The following MTOR variants were observed in gnomAD, a reference collection of about 807,000 sequenced individuals.
MTOR encodes the protein mechanistic target of rapamycin kinase, also known as serine/threonine-protein kinase mTOR.
MTOR carries 70 observed loss-of-function variants against 319.8 expected under a neutral mutation model. The observed-to-expected ratio is 0.22, with a 90% CI of 0.18 to 0.27. The LOEUF (loss-of-function observed/expected upper bound fraction) is 0.27. Ranked by LOEUF, MTOR falls within the 10% of genes least tolerant of loss-of-function variation. The pLI is 1.00. For synonymous variants in MTOR, 1,183 were observed against 1,211.4 expected, an observed-to-expected ratio of 0.98 and a Z score of 0.49; for missense variants, 1,890 against 3,274.4, an observed-to-expected ratio of 0.58 and a Z score of 10.32.
At position 11,121,896 on chromosome 1, in the gene MTOR, A is replaced by G. The variant is rs939257585; in HGVS notation, c.6810+83T>C. 4 of 1,543,174 alleles carry G rather than the reference A, an allele frequency of 2.6e-6. No individual in the cohort carries two copies. The highest frequency in any genetic ancestry group is 3.5e-6 in the Non-Finnish European group (4 of 1,134,522). On this transcript the variant is annotated intron_variant, in intron 48 of 57. Transcript: ENST00000361445. The surrounding 1 kb of genome is among the most constrained non-coding windows in gnomAD (Gnocchi z 4.9). Reference sequence around the variant, plus strand: ...TCAAAGAGATTTTTCAGTGACAGACATACAGAGAGGAATGAGAAAAGCAGC... The same window carrying G: ...TCAAAGAGATTTTTCAGTGACAGACGTACAGAGAGGAATGAGAAAAGCAGC...
At position 11,128,971 on chromosome 1, in the gene MTOR, G is replaced by T; in HGVS notation, c.5715-20C>A. The T allele has an allele frequency of 6.2e-7, 1 of 1,603,248 alleles. No individual in the cohort carries two copies. The highest frequency in any genetic ancestry group is 8.5e-7 in the Non-Finnish European group (1 of 1,172,932). Reference sequence around the variant, plus strand: ...AGAACTCTGAAAAAGAAATGAGAAAGTCACAGAAAATTTAGTTTCCCAGTT... The same window carrying T: ...AGAACTCTGAAAAAGAAATGAGAAATTCACAGAAAATTTAGTTTCCCAGTT... On this transcript the variant is annotated intron_variant, in intron 40 of 57. Coordinates refer to ENST00000361445, the MANE Select transcript of MTOR (RefSeq NM_004958.4). This position sits in a 1 kb window ranked among gnomAD's most constrained non-coding sequence, Gnocchi z 5.3.
chr1:11,151,369 G>C (rs1236681437), intron 30 of MTOR, among the ~76,000 whole-genome samples: 1 of 152,258 alleles, frequency 6.6e-6, no homozygotes, highest in East Asian at 1.9e-4. Flanking sequence ...TGGTGGCCAT[G>C]ATGCCCTATG....
At chr1:11,138,777 G>A (rs373213345) in intron 36 of MTOR, among the ~76,000 whole-genome samples, 1 of 152,152 alleles carries the variant, frequency 6.6e-6, no homozygotes, top group Non-Finnish European at 1.5e-5. Context: ...CCCAAACCAG[G>A]AGCCACATCT....
At chr1:11,261,175 G>A (rs1257191853) in intron 1 of MTOR, among the ~76,000 whole-genome samples, 1 of 151,840 alleles carries the variant, frequency 6.6e-6, no homozygotes, top group Non-Finnish European at 1.5e-5. Context: ...CAGGGGACTA[G>A]CTCTTCAAAT....
chr1:11,180,634 A>G (rs1041917548), intron 28 of MTOR, among the ~76,000 whole-genome samples: 5 of 152,262 alleles, frequency 3.3e-5, no homozygotes, highest in East Asian at 3.9e-4. Context: ...TTGTCCTGCA[A>G]CCCCTGACAA....
chr1:11,212,220 C>G lies in MTOR; in HGVS notation c.3561+92G>C, dbSNP rs550546263. The G allele has an allele frequency of 2.1e-6, 3 of 1,445,508 alleles. No individual in the cohort carries two copies. The highest frequency in any genetic ancestry group is 1.4e-5 in the South Asian group (1 of 72,646). The allele number at this position is 1,445,508 out of a possible 1,614,324, so 89.5% of individuals were successfully genotyped here. Reference sequence around the variant, plus strand: ...GTAATTCCACGTTCTCTGATGGTGGCTGGCATCAGACAAAGTCTGAGTGGC... The same window carrying G: ...GTAATTCCACGTTCTCTGATGGTGGGTGGCATCAGACAAAGTCTGAGTGGC... On this transcript the variant is annotated intron_variant, in intron 23 of 57. Coordinates refer to ENST00000361445, the MANE Select transcript of MTOR (RefSeq NM_004958.4). This position sits in a 1 kb window ranked among gnomAD's most constrained non-coding sequence, Gnocchi z 4.1.
At chr1:11,134,295 G>C (rs924774755) in intron 37 of MTOR, 56 bp downstream of exon 37, 12 of 1,514,078 alleles carry the variant, frequency 7.9e-6, no homozygotes, top group African/African-American at 4.1e-5. Flanking sequence ...TGCTGCAGAA[G>C]CTGCTGGGAT....
chr1:11,180,617 T>C (rs79377502), intron 28 of MTOR, among the ~76,000 whole-genome samples: 1 of 152,140 alleles, frequency 6.6e-6, no homozygotes, highest in South Asian at 2.1e-4. Flanking sequence ...GGGGTGGACA[T>C]GTGATCTTGT....
chr1:11,243,272 G>T lies in MTOR; in HGVS notation c.1254C>A (p.Asn418Lys). 6.2e-7 allele frequency: 1 copy of T among 1,614,188 alleles called. No individual in the cohort carries two copies. ...CCTTCTTGACACAGCTTAGGACATGGTTCATGGTATCTTGGAGATACTGGG... is the reference window on the plus strand; with the variant it reads ...CCTTCTTGACACAGCTTAGGACATGTTTCATGGTATCTTGGAGATACTGGG... ...TDTQYLQDTM[N>K]HVLSCVKKEK... Residue 418 changes from asparagine to lysine, a missense_variant, in exon 9 of 58, where the codon AAC becomes AAA. Coordinates refer to ENST00000361445, the MANE Select transcript of MTOR (RefSeq NM_004958.4).
chr1:11,119,439 C>T (rs946233463), intron 49 of MTOR, among the ~76,000 whole-genome samples: 1 of 151,534 alleles, frequency 6.6e-6, no homozygotes, highest in Non-Finnish European at 1.5e-5. Flanking sequence ...GGCATGGAGG[C>T]GGGTGCCTGT....
At chr1:11,177,359 A>C (rs1645023431) in intron 28 of MTOR, among the ~76,000 whole-genome samples, 1 of 152,094 alleles carries the variant, frequency 6.6e-6, no homozygotes, top group African/African-American at 2.4e-5. Flanking sequence ...GGAATTCAAG[A>C]CCAGCCTGAG....
At chr1:11,189,438 G>T (rs1645434289) in intron 28 of MTOR, 1 of 1,032,804 alleles carries the variant, frequency 9.7e-7, no homozygotes, top group East Asian at 2.4e-5. Flanking sequence ...AAAGAGCAAG[G>T]AAAGAGAGAA....
At chr1:11,206,633 T>A (rs1646146713) in intron 25 of MTOR, among the ~76,000 whole-genome samples, 1 of 152,232 alleles carries the variant, frequency 6.6e-6, no homozygotes, top group African/African-American at 2.4e-5. Context: ...CAAAAAATCA[T>A]AGCTTAATTT....
intron 53 of MTOR, 95 bp downstream of exon 53, chr1:11,114,222 TG>T (rs2100312787): frequency 6.6e-7 from 1 of 1,506,836 alleles, no homozygotes; most frequent in South Asian, 1.2e-5. Context: ...CTCGAACTCC[TG>T]GCCTCAAGCA....
At chr1:11,175,746 G>GTTTTTTTTT (rs34392850) in intron 28 of MTOR, among the ~76,000 whole-genome samples, 26 of 137,296 alleles carry the variant, frequency 1.9e-4, no homozygotes, top group South Asian at 4.8e-4. Flanking sequence ...TCCCTAGCAG[G>GTTTTTTTTT]TTTTTTTTTT....
At chr1:11,197,191 G>C (rs1036337827) in intron 28 of MTOR, among the ~76,000 whole-genome samples, 1 of 152,156 alleles carries the variant, frequency 6.6e-6, no homozygotes, top group Non-Finnish European at 1.5e-5. Context: ...CCAGATCCAA[G>C]TAGTGGCTCA....
intron 28 of MTOR, chr1:11,189,788 AG>A (rs766513605): frequency 6.2e-7 from 1 of 1,614,234 alleles, no homozygotes; most frequent in South Asian, 1.1e-5. Flanking sequence ...AACAAGAAGC[AG>A]GAGAGGGACT....
intron 56 of MTOR, 104 bp from the exon 57 acceptor site, chr1:11,108,390 A>T: frequency 1.1e-6 from 1 of 895,468 alleles, no homozygotes; most frequent in Admixed American, 2.0e-5. Flanking sequence ...ATCGTCAGAC[A>T]TGAAGATGAA....
Position 11,114,563 on chromosome 1 carries a change from G to C in MTOR, c.7165-110C>G, listed in dbSNP as rs907189827. 1.7e-5 allele frequency: 24 copies of C among 1,450,122 alleles called. 1 individual carries two copies. The highest frequency in any genetic ancestry group is 1.4e-4 in the East Asian group (6 of 42,826). 89.8% of individuals were successfully genotyped at this position (1,450,122 alleles called of 1,614,324 possible). On this transcript the variant is annotated intron_variant, in intron 52 of 57. Coordinates refer to ENST00000361445, the MANE Select transcript of MTOR (RefSeq NM_004958.4). The stretch of plus-strand genomic sequence containing the variant: ...GGAAGCAGACACAGGCCATGTTGAC[G>C]TATCAGGGTGAGAATGTCTTAGGAG...
Sources: gnomAD v4.1 joint callset for allele counts (sites outside exome capture counted in the v4.1 genomes callset) on GRCh38, gnomAD v4.1.1 for gene constraint, Gnocchi (gnomAD v3.1) non-coding constraint, MANE v1.5 for transcripts, NCBI Gene and HGNC (gene_info 2026-07-23, HGNC 2026-07-21) for gene names.